Variants in CSMD1 observed in about 807,000 individuals in gnomAD.
CSMD1 encodes CUB and sushi domain-containing protein 1.
CSMD1 carries 213 observed loss-of-function variants against 417.5 expected under a neutral mutation model. The observed-to-expected ratio is 0.51, with a 90% CI of 0.46 to 0.57. The LOEUF (loss-of-function observed/expected upper bound fraction) is 0.57, where lower values mean the gene tolerates loss of function less well. CSMD1 is among the 20% of genes least tolerant of loss of function. The pLI is 0.00. For missense variants in CSMD1, 6,923 were observed against 4,529.7 expected, an observed-to-expected ratio of 1.53 and a Z score of -15.17; for synonymous variants, 2,862 against 1,736.8, an observed-to-expected ratio of 1.65 and a Z score of -16.11.
At chr8:3,362,849 A>C (rs1290645838) in intron 20 of CSMD1, among the ~76,000 whole-genome samples, 2 of 152,118 alleles carry the variant, frequency 1.3e-5, no homozygotes, top group Non-Finnish European at 2.9e-5. Flanking sequence ...CTGTAGTCTC[A>C]GCTTCCATCT....
At chr8:4,512,187 T>C (rs768246602) in intron 2 of CSMD1, among the ~76,000 whole-genome samples, 1 of 152,154 alleles carries the variant, frequency 6.6e-6, no homozygotes, top group African/African-American at 2.4e-5. Context: ...AAAAATCACA[T>C]GATCACATCA....
chr8:3,260,839 C>G lies in CSMD1; in HGVS notation c.4153+23305G>C, dbSNP rs544185191. ...AAAAGCTTTTGCTCTAAAAAAGACC[C>G]TGTGAAGAGGATGGAAAGACAAGCT... On this transcript the variant is annotated intron_variant, in intron 26 of 69. Transcript: ENST00000635120. 2.0e-5 allele frequency among the ~76,000 whole-genome samples: 3 copies of G among 149,972 alleles called. No individual in the cohort carries two copies. In the East Asian group the frequency reaches 5.8e-4, roughly 29 times the overall value.
chr8:3,971,236 C>A (rs2688352), intron 5 of CSMD1, among the ~76,000 whole-genome samples: 27,809 of 152,000 alleles, frequency 0.18, 2,640 homozygotes, highest in South Asian at 0.23. Flanking sequence ...ACAGACCATG[C>A]GCACTTCTGC....
chr8:4,592,790 C>T (rs915991436), intron 2 of CSMD1, among the ~76,000 whole-genome samples: 2 of 152,092 alleles, frequency 1.3e-5, no homozygotes, highest in Non-Finnish European at 2.9e-5. Context: ...ATATTGTTTT[C>T]TAAAATCTAC....
chr8:3,666,959 G>A (rs951315701), intron 7 of CSMD1, among the ~76,000 whole-genome samples: 3 of 152,134 alleles, frequency 2.0e-5, no homozygotes, highest in African/African-American at 4.8e-5. Flanking sequence ...TAAAAGCATT[G>A]CAGTCTAATT....
intron 3 of CSMD1, among the ~76,000 whole-genome samples, chr8:4,039,592 A>C (rs778765304): frequency 6.6e-6 from 1 of 152,186 alleles, no homozygotes; most frequent in Non-Finnish European, 1.5e-5. Context: ...CTACTTTCAA[A>C]AAGTCTCATT....
At chr8:4,871,559 T>A (rs963146414) in intron 1 of CSMD1, among the ~76,000 whole-genome samples, 1 of 152,134 alleles carries the variant, frequency 6.6e-6, no homozygotes, top group Non-Finnish European at 1.5e-5. Flanking sequence ...TTTTTATGTT[T>A]TGCTTTTATT....
At chr8:3,274,820 G>A (rs1321756807) in intron 26 of CSMD1, among the ~76,000 whole-genome samples, 5 of 152,078 alleles carry the variant, frequency 3.3e-5, no homozygotes, top group East Asian at 1.9e-4. Context: ...GCCTATGTGT[G>A]TCTGTACCCG....
At chr8:3,325,338 A>G (rs12681346) in intron 23 of CSMD1, among the ~76,000 whole-genome samples, 7,112 of 152,302 alleles carry the variant, frequency 0.047, 363 homozygotes, top group East Asian at 0.22. Flanking sequence ...TCCTATCATA[A>G]CATTTTAGAT....
chr8:4,083,707 C>T (rs1212921276), intron 3 of CSMD1, among the ~76,000 whole-genome samples: 3 of 152,116 alleles, frequency 2.0e-5, no homozygotes, highest in Non-Finnish European at 4.4e-5. Context: ...GGATTAAAGA[C>T]TTAAACGTTA....
At chr8:3,647,552 C>T (rs11778221) in intron 7 of CSMD1, among the ~76,000 whole-genome samples, 7,745 of 152,106 alleles carry the variant, frequency 0.051, 255 homozygotes, top group Non-Finnish European at 0.078. Context: ...GAGACAAATA[C>T]AGCATAAAGA....
At chr8:4,228,290 T>C (rs1294055864) in intron 3 of CSMD1, among the ~76,000 whole-genome samples, 36 of 152,216 alleles carry the variant, frequency 2.4e-4, no homozygotes, top group Non-Finnish European at 8.8e-5. Flanking sequence ...CTGCTGGCCC[T>C]GGCAGTAAAA....
intron 52 of CSMD1, among the ~76,000 whole-genome samples, chr8:3,009,622 A>G (rs188202337): frequency 6.6e-6 from 1 of 152,316 alleles, no homozygotes; most frequent in East Asian, 1.9e-4. Context: ...CTAAAGAAAC[A>G]CATTTGAATA....
At chr8:3,720,108 C>T (rs1165648795) in intron 6 of CSMD1, among the ~76,000 whole-genome samples, 1 of 152,198 alleles carries the variant, frequency 6.6e-6, no homozygotes, top group African/African-American at 2.4e-5. Context: ...TTACATTCAA[C>T]GTGGAATGTT....
At chr8:4,254,600 C>T (rs1041135475) in intron 3 of CSMD1, among the ~76,000 whole-genome samples, 1 of 152,190 alleles carries the variant, frequency 6.6e-6, no homozygotes, top group African/African-American at 2.4e-5. Context: ...CACTCACTTG[C>T]TGACTCACCC....
At chr8:4,894,448 G>C (rs1338226731) in intron 1 of CSMD1, among the ~76,000 whole-genome samples, 2 of 151,494 alleles carry the variant, frequency 1.3e-5, no homozygotes, top group Non-Finnish European at 2.9e-5. Context: ...AGCTGCTTGG[G>C]AGGCTGAGGC....
intron 3 of CSMD1, among the ~76,000 whole-genome samples, chr8:4,168,147 ACAC>A (rs1797560193): frequency 2.0e-3 from 1 of 510 alleles, no homozygotes; most frequent in African/African-American, 2.5e-3. Flanking sequence ...AAAAAAATAT[ACAC>A]ACACACACAC....
Position 4,889,293 on chromosome 8 carries a change from G to A in CSMD1, c.85+105039C>T, listed in dbSNP as rs559829420. 2.4e-3 allele frequency among the ~76,000 whole-genome samples: 358 copies of A among 152,146 alleles called. 2 individuals are homozygous for A. Among genetic ancestry groups the A allele is most frequent in the South Asian group, 4.1e-3 (20 of 4,822 alleles). On this transcript the variant is annotated intron_variant, in intron 1 of 69. Transcript: ENST00000635120. ...TCCATAGCCTAAATTGAATCATGAG[G>A]AAACATTAGAGAAACTCAAATTGAG...
intron 1 of CSMD1, among the ~76,000 whole-genome samples, chr8:4,808,578 A>C (rs1017834232): frequency 9.2e-5 from 14 of 152,324 alleles, no homozygotes; most frequent in African/African-American, 3.4e-4. Flanking sequence ...GACACTTATC[A>C]TAATGGGTGT....
Sources: gnomAD v4.1 joint callset for allele counts (sites outside exome capture counted in the v4.1 genomes callset) on GRCh38, gnomAD v4.1.1 for gene constraint, MANE v1.5 for transcripts, NCBI Gene and HGNC (gene_info 2026-07-23, HGNC 2026-07-21) for gene names.